Variants in LYN observed in about 807,000 individuals in gnomAD.
The protein encoded by LYN is tyrosine-protein kinase Lyn.
LYN carries 12 observed loss-of-function variants against 65.0 expected under a neutral mutation model. The observed-to-expected ratio is 0.18, with a 90% CI of 0.12 to 0.30. LYN has a LOEUF of 0.30. Ranked by LOEUF, LYN falls within the 10% of genes least tolerant of loss-of-function variation. LYN has a pLI of 1.00. For synonymous variants in LYN, 222 were observed against 221.2 expected, an observed-to-expected ratio of 1.00 and a Z score of -0.03; for missense variants, 380 against 623.2, an observed-to-expected ratio of 0.61 and a Z score of 4.16.
At chr8:55,982,801 G>A (rs974145577) in intron 10 of LYN, among the ~76,000 whole-genome samples, 1 of 152,084 alleles carries the variant, frequency 6.6e-6, no homozygotes, top group African/African-American at 2.4e-5. Context: ...CAATTCTGCT[G>A]CTCATTGCTT....
intron 1 of LYN, among the ~76,000 whole-genome samples, chr8:55,909,385 C>T (rs964684231): frequency 2.7e-4 from 41 of 152,234 alleles, no homozygotes; most frequent in African/African-American, 9.4e-4. Flanking sequence ...GGCTCTGTGG[C>T]GCTGCCATAG....
intron 1 of LYN, among the ~76,000 whole-genome samples, chr8:55,931,359 A>G (rs1806266654): frequency 6.6e-6 from 1 of 150,494 alleles, no homozygotes; most frequent in Non-Finnish European, 1.5e-5. Context: ...TTTGTACACA[A>G]TGGAAAACAT....
intron 10 of LYN, among the ~76,000 whole-genome samples, chr8:55,995,401 C>T (rs1195966726): frequency 6.6e-6 from 1 of 152,184 alleles, no homozygotes; most frequent in Non-Finnish European, 1.5e-5. Flanking sequence ...CTCTCCAAAC[C>T]TGCCCTGTCC....
At chr8:55,954,518 C>A (rs1449203774) in intron 8 of LYN, among the ~76,000 whole-genome samples, 1 of 152,142 alleles carries the variant, frequency 6.6e-6, no homozygotes, top group Admixed American at 6.5e-5. Flanking sequence ...CCAGGGGATT[C>A]TTTTCATCTA....
chr8:55,902,132 C>T (rs956291933), intron 1 of LYN, among the ~76,000 whole-genome samples: 6 of 151,576 alleles, frequency 4.0e-5, no homozygotes, highest in Non-Finnish European at 5.9e-5. Flanking sequence ...CTCAGCCTCC[C>T]GAGTAGCTGG....
chr8:55,979,089 T>A (rs1408719400), intron 10 of LYN, among the ~76,000 whole-genome samples: 1 of 150,406 alleles, frequency 6.6e-6, no homozygotes, highest in East Asian at 1.9e-4. Context: ...AGTTTTGCTC[T>A]TGTCACCCAC....
intron 6 of LYN, among the ~76,000 whole-genome samples, chr8:55,951,110 G>A (rs867560784): frequency 3.3e-5 from 5 of 151,950 alleles, no homozygotes; most frequent in Admixed American, 6.6e-5. Context: ...AGGCCTGGCA[G>A]CACATGCCTA....
intron 12 of LYN, among the ~76,000 whole-genome samples, 191 bp from the exon 13 acceptor site, chr8:56,009,717 G>A (rs1464390667): frequency 6.6e-6 from 1 of 152,144 alleles, no homozygotes; most frequent in Non-Finnish European, 1.5e-5. Context: ...CAATTCTGAG[G>A]TGTACGCGGG....
chr8:55,989,103 G>A (rs975611500), intron 10 of LYN, among the ~76,000 whole-genome samples: 14 of 152,218 alleles, frequency 9.2e-5, no homozygotes, highest in Admixed American at 7.2e-4. Flanking sequence ...CAGTCCACAG[G>A]GCACATGCCC....
At chr8:56,001,707 C>G (rs1359429049) in intron 12 of LYN, among the ~76,000 whole-genome samples, 1 of 152,198 alleles carries the variant, frequency 6.6e-6, no homozygotes, top group East Asian at 1.9e-4. Flanking sequence ...GCCTACATCT[C>G]TTTCTATAAT....
chr8:55,913,780 A>T (rs1362670280), intron 1 of LYN, among the ~76,000 whole-genome samples: 1 of 152,144 alleles, frequency 6.6e-6, no homozygotes, highest in African/African-American at 2.4e-5. Context: ...GGTCTGTGAA[A>T]TGGCTGATTT....
intron 8 of LYN, among the ~76,000 whole-genome samples, chr8:55,958,298 A>G (rs1371015370): frequency 6.6e-6 from 1 of 152,194 alleles, no homozygotes; most frequent in Non-Finnish European, 1.5e-5. Context: ...CTTAACATAT[A>G]TTCAGGTGGT....
chr8:55,967,794 A>G (rs1427506085), intron 9 of LYN, among the ~76,000 whole-genome samples: 3 of 152,326 alleles, frequency 2.0e-5, no homozygotes, highest in Non-Finnish European at 2.9e-5. Context: ...GATCACCTTC[A>G]TATACAAGAC....
At chr8:55,997,329 T>C (rs1808399717) in intron 10 of LYN, among the ~76,000 whole-genome samples, 1 of 152,172 alleles carries the variant, frequency 6.6e-6, no homozygotes, top group Non-Finnish European at 1.5e-5. Context: ...CCAACTCTAT[T>C]TTCATAGTTG....
At chr8:55,995,426 G>T (rs966745023) in intron 10 of LYN, among the ~76,000 whole-genome samples, 2 of 152,180 alleles carry the variant, frequency 1.3e-5, no homozygotes, top group Non-Finnish European at 2.9e-5. Context: ...CCTACTGTCC[G>T]TCTGGTTTCT....
intron 1 of LYN, among the ~76,000 whole-genome samples, chr8:55,911,100 C>CGTATATAT (rs1563506200): frequency 1.9e-4 from 6 of 31,990 alleles, no homozygotes; most frequent in African/African-American, 6.4e-4. Flanking sequence ...TATATATATA[C>CGTATATAT]ATACACGTAT....
At chr8:55,998,831 G>A (rs1226142047) in intron 11 of LYN, among the ~76,000 whole-genome samples, 2 of 152,070 alleles carry the variant, frequency 1.3e-5, no homozygotes, top group African/African-American at 2.4e-5. Context: ...TATAATATAC[G>A]GGGCTGTGGA....
intron 10 of LYN, among the ~76,000 whole-genome samples, chr8:55,971,037 G>A (rs1191997773): frequency 6.6e-6 from 1 of 152,216 alleles, no homozygotes; most frequent in Non-Finnish European, 1.5e-5. Flanking sequence ...TTCCAGTAAA[G>A]GTGTGTGATG....
chr8:56,005,888 A>G (rs1808658559), intron 12 of LYN, among the ~76,000 whole-genome samples: 1 of 152,180 alleles, frequency 6.6e-6, no homozygotes, highest in South Asian at 2.1e-4. Flanking sequence ...ATTTGAGACC[A>G]GCCTGGGCAA....
Sources: allele counts gnomAD v4.1 joint callset (sites outside exome capture counted in the v4.1 genomes callset), GRCh38; gene constraint gnomAD v4.1.1; transcripts MANE v1.5; gene names NCBI Gene and HGNC (gene_info 2026-07-23, HGNC 2026-07-21).